The following CACNA1E variants were observed in gnomAD, a reference collection of about 807,000 sequenced individuals.
The protein encoded by CACNA1E is voltage-dependent R-type calcium channel subunit alpha-1E.
Under a neutral mutation model 259.2 loss-of-function variants are expected in CACNA1E, and 40 were observed. The ratio of observed to expected loss-of-function variants is 0.15; its 90% confidence interval spans 0.12 to 0.20. The LOEUF is 0.20. CACNA1E is among the 10% of genes least tolerant of loss of function. The pLI, the probability that CACNA1E is intolerant of heterozygous loss-of-function variation, is 1.00. For synonymous variants in CACNA1E, 1,104 were observed against 1,138.5 expected (o/e 0.97, Z 0.61); for missense variants, 1,874 against 3,040.1 (o/e 0.62, Z 9.02).
At chr1:181,585,013 C>CA (rs1651914224) in intron 6 of CACNA1E, among the ~76,000 whole-genome samples, 1 of 148,508 alleles carries the variant, frequency 6.7e-6, no homozygotes, top group Non-Finnish European at 1.5e-5. Flanking sequence ...TAAACTGGTC[C>CA]CCCCCCCTGC....
At chr1:181,652,522 G>T (rs1193648550) in intron 7 of CACNA1E, among the ~76,000 whole-genome samples, 1 of 152,160 alleles carries the variant, frequency 6.6e-6, no homozygotes, top group Non-Finnish European at 1.5e-5. Context: ...GAAAAAATTG[G>T]CAACAGACAG....
rs543554221 is a variant in CACNA1E at position 181,478,448 on chromosome 1, C to T, written c.435-5296C>T. 1.8e-4 allele frequency among the ~76,000 whole-genome samples: 27 copies of T among 152,380 alleles called. No individual in the cohort carries two copies. The East Asian group carries it at 5.0e-3, about 28-fold the overall frequency. ...TCTGCATTGCCATAATGCTCCTCTG[C>T]TCCACTATGCATTTGCACATGGTCT... On this transcript the variant is annotated intron_variant, in intron 2 of 11. Transcript: ENST00000524607.
intron 1 of CACNA1E, among the ~76,000 whole-genome samples, chr1:181,338,375 G>A (rs553429329): frequency 1.3e-5 from 2 of 152,316 alleles, no homozygotes; most frequent in African/African-American, 4.8e-5. Flanking sequence ...GTGAGCCACA[G>A]CACCTGGTCC....
chr1:181,483,510 T>C (rs1049224453), upstream of CACNA1E: 5 of 350,188 alleles, frequency 1.4e-5, no homozygotes, highest in Non-Finnish European at 2.6e-5. Context: ...TCTTTTTTTT[T>C]TTTTTCCTTC....
intron 2 of CACNA1E, among the ~76,000 whole-genome samples, chr1:181,447,597 A>T (rs1470161663): frequency 6.6e-6 from 1 of 152,142 alleles, no homozygotes; most frequent in Non-Finnish European, 1.5e-5. Context: ...TTTTTCTGTT[A>T]CTGCCTTTAC....
chr1:181,549,028 G>A (rs888546636), intron 3 of CACNA1E, among the ~76,000 whole-genome samples: 4 of 152,294 alleles, frequency 2.6e-5, no homozygotes, highest in Non-Finnish European at 5.9e-5. Context: ...AAAGCCAGCC[G>A]GAAAGGGGAA....
chr1:181,568,776 A>G (rs1315419469), intron 3 of CACNA1E, among the ~76,000 whole-genome samples: 10 of 152,042 alleles, frequency 6.6e-5, no homozygotes, highest in Non-Finnish European at 1.5e-4. Flanking sequence ...ATTTATTTTC[A>G]TAGAGATTCG....
intron 3 of CACNA1E, among the ~76,000 whole-genome samples, chr1:181,516,716 T>C (rs1365156518): frequency 6.6e-6 from 1 of 152,184 alleles, no homozygotes; most frequent in Admixed American, 6.5e-5. Flanking sequence ...TCCCTTTCCA[T>C]CTAGGAAGTC....
At chr1:181,629,860 A>G (rs1295023963) in intron 6 of CACNA1E, among the ~76,000 whole-genome samples, 1 of 152,182 alleles carries the variant, frequency 6.6e-6, no homozygotes, top group African/African-American at 2.4e-5. Context: ...CATGAGTAGG[A>G]AGATTAGTGG....
chr1:181,546,052 A>C (rs1164622685), intron 3 of CACNA1E, among the ~76,000 whole-genome samples: 1 of 152,104 alleles, frequency 6.6e-6, no homozygotes, highest in African/African-American at 2.4e-5. Context: ...CTGTGTTGAC[A>C]GACACGCCGT....
chr1:181,481,925 T>C (rs1471849074), upstream of CACNA1E, among the ~76,000 whole-genome samples: 1 of 152,082 alleles, frequency 6.6e-6, no homozygotes, highest in Non-Finnish European at 1.5e-5. Flanking sequence ...ATCCTTCTGA[T>C]TGTTCGCATT....
chr1:181,659,316 GTTTGTCGGCTCAGA>G (rs1647361219), intron 7 of CACNA1E, among the ~76,000 whole-genome samples: 2 of 152,282 alleles, frequency 1.3e-5, no homozygotes, highest in South Asian at 4.1e-4. Context: ...TGTGAGGCAT[GTTTGTCGGCTCAGA>G]TTTAAAGAGG....
chr1:181,364,706 G>A (rs1056590957), intron 1 of CACNA1E, among the ~76,000 whole-genome samples: 5 of 152,206 alleles, frequency 3.3e-5, no homozygotes, highest in East Asian at 1.9e-4. Context: ...ACAGAATTCC[G>A]AGTGGAGCAG....
At chr1:181,735,457 A>G (rs1655947900) in intron 21 of CACNA1E, among the ~76,000 whole-genome samples, 1 of 152,110 alleles carries the variant, frequency 6.6e-6, no homozygotes. Context: ...GAGTCATTCA[A>G]TGAGCAGGGA....
chr1:181,737,733 A>G (rs548674749), intron 23 of CACNA1E, 79 bp downstream of exon 23: 1 of 1,540,514 alleles, frequency 6.5e-7, no homozygotes, highest in Admixed American at 1.9e-5. Context: ...GTGAACCGAG[A>G]TGGTAGCAAG....
chr1:181,716,271 C>T (rs978561265), intron 10 of CACNA1E, 142 bp downstream of exon 10: 8 of 379,808 alleles, frequency 2.1e-5, no homozygotes, highest in Admixed American at 9.0e-5. Flanking sequence ...GGGTGGAAAT[C>T]GAATCTAGAT....
chr1:181,570,162 G>GA (rs1650264111), intron 3 of CACNA1E, among the ~76,000 whole-genome samples: 1 of 148,684 alleles, frequency 6.7e-6, no homozygotes, highest in Admixed American at 6.7e-5. Flanking sequence ...AACTGTAGTA[G>GA]ACTTTTTTTT....
intron 38 of CACNA1E, chr1:181,779,295 G>GTT: frequency 4.0e-6 from 1 of 253,008 alleles, no homozygotes; most frequent in South Asian, 4.4e-5. Context: ...GGTGCTTACT[G>GTT]TTTTCAGTCT....
intron 37 of CACNA1E, among the ~76,000 whole-genome samples, chr1:181,773,544 A>AC (rs1185744227): frequency 1.3e-5 from 2 of 151,696 alleles, no homozygotes; most frequent in Non-Finnish European, 2.9e-5. Flanking sequence ...TAAAGAAAAA[A>AC]CCCCCTGAAA....
Sources: allele counts gnomAD v4.1 joint callset (sites outside exome capture counted in the v4.1 genomes callset), GRCh38; gene constraint gnomAD v4.1.1; transcripts MANE v1.5; gene names NCBI Gene and HGNC (gene_info 2026-07-23, HGNC 2026-07-21).